Variants in CSNK2A1 observed in about 807,000 individuals in gnomAD.
CSNK2A1 encodes casein kinase 2 alpha 1.
In CSNK2A1, 10 loss-of-function variants were observed where a neutral mutation model predicts 62.9. The observed-to-expected ratio is 0.16, with a 90% CI of 0.10 to 0.27. The LOEUF is 0.27. Among genes scored for constraint, CSNK2A1 ranks in the 10% least tolerant of loss-of-function variants. The pLI is 1.00. For missense variants in CSNK2A1, 160 were observed against 492.0 expected (o/e 0.33, Z 6.38); for synonymous variants, 124 against 167.8 (o/e 0.74, Z 2.02).
chr20:477,981 TTC>T lies in CSNK2A1; in HGVS notation c.*5978_*5979del, dbSNP rs2017881584. On this transcript the variant is annotated 3_prime_UTR_variant, in exon 14 of 14. Transcript: ENST00000217244. ...CTTTTTGCCACCTTGGGATTTCCAT[TTC>T]TTTCTCTGAAATAGGCATTTGCATT... 6.6e-6 allele frequency: 1 copy of T among 152,196 alleles called. No homozygotes were observed. The highest frequency in any genetic ancestry group is 1.5e-5 in the Non-Finnish European group (1 of 68,028). 9.4% of individuals were successfully genotyped at this position (152,196 alleles called of 1,614,324 possible). A position where few individuals can be genotyped will look rare whatever the true frequency, so the allele number is the denominator to read the frequency against.
chr20:534,157 A>T (rs1475232005), intron 1 of CSNK2A1, among the ~76,000 whole-genome samples: 1 of 152,248 alleles, frequency 6.6e-6, no homozygotes, highest in Non-Finnish European at 1.5e-5. Context: ...AAACAGATTC[A>T]GAGGTTAAAT....
intron 3 of CSNK2A1, chr20:508,216 TAAG>T (rs2018646181): frequency 2.2e-6 from 1 of 457,146 alleles, no homozygotes; most frequent in African/African-American, 2.0e-5. Context: ...TAGAAAAGGA[TAAG>T]AAACTAAAAT....
At chr20:513,079 C>G (rs2018757963) in intron 2 of CSNK2A1, among the ~76,000 whole-genome samples, 1 of 152,180 alleles carries the variant, frequency 6.6e-6, no homozygotes, top group Non-Finnish European at 1.5e-5. Flanking sequence ...GCAGCATGAA[C>G]CCAACAGAAA....
At chr20:543,565 G>T in intron 1 of CSNK2A1, 107 bp downstream of exon 1, 1 of 396,734 alleles carries the variant, frequency 2.5e-6, no homozygotes, top group Non-Finnish European at 4.4e-6. Context: ...GGAAGGCGAC[G>T]GGCCGCTCAG....
chr20:492,667 G>T, intron 8 of CSNK2A1: 3 of 272,228 alleles, frequency 1.1e-5, no homozygotes, highest in Non-Finnish European at 2.1e-5. Flanking sequence ...CTTAACTTTT[G>T]GAATATTTAA....
chr20:513,815 A>G (rs572806692), intron 2 of CSNK2A1, among the ~76,000 whole-genome samples: 2 of 152,316 alleles, frequency 1.3e-5, no homozygotes, highest in Admixed American at 1.3e-4. Flanking sequence ...GAACTAGCAG[A>G]TCTGATTCTC....
chr20:496,613 T>C (rs1174494737), intron 7 of CSNK2A1: 2 of 152,210 alleles, frequency 1.3e-5, no homozygotes, highest in Non-Finnish European at 2.9e-5. Flanking sequence ...TTCTAAAGCC[T>C]TGCTTGCCAC....
intron 1 of CSNK2A1, among the ~76,000 whole-genome samples, chr20:533,622 A>G (rs2019256755): frequency 6.6e-6 from 1 of 152,192 alleles, no homozygotes; most frequent in South Asian, 2.1e-4. Flanking sequence ...ACATACATAC[A>G]TACAAAAAAA....
Position 499,607 on chromosome 20 carries a change from TTC to T in CSNK2A1, c.315+224_315+225del, listed in dbSNP as rs1840320253. ...GCAAAATGGATTAACACATTTCAGTTTCCAGTGCTATCAGTCTCTTAGCCTAG... is the reference window on the plus strand; with the variant it reads ...GCAAAATGGATTAACACATTTCAGTTCAGTGCTATCAGTCTCTTAGCCTAG... On this transcript the variant is annotated intron_variant, in intron 5 of 13. Transcript: ENST00000217244. This position sits in a 1 kb window ranked among gnomAD's most constrained non-coding sequence, Gnocchi z 4.2. 1 of 565,922 alleles carries T rather than the reference TTC, an allele frequency of 1.8e-6. No homozygotes were observed. The highest frequency in any genetic ancestry group is 2.6e-5 in the South Asian group (1 of 38,210). 35.1% of individuals were successfully genotyped at this position (565,922 alleles called of 1,614,324 possible). A position where few individuals can be genotyped will look rare whatever the true frequency, so the allele number is the denominator to read the frequency against.
intron 9 of CSNK2A1, 68 bp downstream of exon 9, chr20:492,182 CTTTT>C (rs1035233093): frequency 5.7e-6 from 6 of 1,052,376 alleles, no homozygotes; most frequent in South Asian, 1.6e-5. Flanking sequence ...CAAAATGATA[CTTTT>C]TTTTTTTTGG....
At chr20:504,999 A>AAATTTTATTGTATCCTATGAACTCAATAG in intron 4 of CSNK2A1, 119 bp downstream of exon 4, 1 of 819,188 alleles carries the variant, frequency 1.2e-6, no homozygotes, top group Non-Finnish European at 1.9e-6. Flanking sequence ...GGATACAATA[A>AAATTTTATTGTATCCTATGAACTCAATAG]AATTTTATTT....
At position 499,645 on chromosome 20, in the gene CSNK2A1, AAT is replaced by A; in HGVS notation, c.315+186_315+187del. On this transcript the variant is annotated intron_variant, in intron 5 of 13. Transcript: ENST00000217244. This position sits in a 1 kb window ranked among gnomAD's most constrained non-coding sequence, Gnocchi z 4.2. The stretch of plus-strand genomic sequence containing the variant: ...AGTCTCTTAGCCTAGAAGAATAAGA[AAT>A]AGTCTGTGGGTGGAGGTCTCTTTGA... 1 of 613,104 alleles carries A rather than the reference AAT, an allele frequency of 1.6e-6. No homozygotes were observed. 38.0% of individuals were successfully genotyped at this position (613,104 alleles called of 1,614,324 possible).
At chr20:488,596 T>G in intron 11 of CSNK2A1, 82 bp downstream of exon 11, 1 of 1,380,420 alleles carries the variant, frequency 7.2e-7, no homozygotes, top group Non-Finnish European at 1.0e-6. Flanking sequence ...AAAGAAAACA[T>G]AACTATTTTG....
At chr20:502,590 T>TG (rs2018493998) in intron 4 of CSNK2A1, 1 of 152,176 alleles carries the variant, frequency 6.6e-6, no homozygotes, top group South Asian at 2.1e-4. Context: ...TCATCTATAC[T>TG]TACACCACCT....
At chr20:526,685 A>G (rs6037872) in intron 2 of CSNK2A1, 22,193 of 151,390 alleles carry the variant, frequency 0.15, 2,678 homozygotes, top group African/African-American at 0.33. Flanking sequence ...GCCAGGTGTG[A>G]TGGCTCATAC....
At chr20:537,728 A>G (rs949805821) in intron 1 of CSNK2A1, among the ~76,000 whole-genome samples, 11 of 152,220 alleles carry the variant, frequency 7.2e-5, no homozygotes, top group Non-Finnish European at 1.6e-4. Flanking sequence ...GTATAAGAAC[A>G]CATTAATACT....
rs766921846 is a variant in CSNK2A1 at position 483,987 on chromosome 20, G to C, written c.1150C>G (p.Pro384Ala). Residue 384 changes from proline to alanine, a missense_variant, in exon 14 of 14, where the codon CCA becomes GCA. Pro to Ala is a conservative substitution (Grantham distance 27). This residue lies in a region of CSNK2A1 where 51 missense variants were observed against 108.8 expected (regional missense o/e 0.47). Transcript: ENST00000217244. ...TACTGCTGAGCGCCAGCGGCAGCTG[G>C]AACAGGCATCCCAAGGGGGTTGGCA... is the stretch of plus-strand genomic sequence containing the variant. The part of the protein sequence containing the change: ...AAANPLGMPV[P>A]AAAGAQQ The C allele has an allele frequency of 6.2e-7, 1 of 1,612,304 alleles. No homozygotes were observed. The highest frequency in any genetic ancestry group is 1.7e-5 in the Admixed American group (1 of 59,852).
chr20:507,702 T>C (rs1302987337), intron 3 of CSNK2A1: 1 of 152,234 alleles, frequency 6.6e-6, no homozygotes, highest in African/African-American at 2.4e-5. Flanking sequence ...AACTGTTTCG[T>C]CCTCCTGTAT....
At chr20:501,851 G>A (rs1025086552) in intron 4 of CSNK2A1, 1 of 152,072 alleles carries the variant, frequency 6.6e-6, no homozygotes, top group Non-Finnish European at 1.5e-5. Context: ...AACCCACCAA[G>A]ATTCACTAAA....
Sources: allele counts gnomAD v4.1 joint callset (sites outside exome capture counted in the v4.1 genomes callset), GRCh38; gene constraint gnomAD v4.1.1; regional missense constraint gnomAD v4.1.1; non-coding constraint Gnocchi (gnomAD v3.1); transcripts MANE v1.5; gene names NCBI Gene and HGNC (gene_info 2026-07-23, HGNC 2026-07-21).